ROCK2: variants seen among roughly 807,000 people sequenced by gnomAD.
ROCK2 encodes the protein Rho associated coiled-coil containing protein kinase 2.
In ROCK2, 61 loss-of-function variants were observed where a neutral mutation model predicts 195.1. The observed-to-expected ratio is 0.31, with a 90% CI of 0.25 to 0.39. The LOEUF is 0.39. Among genes scored for constraint, ROCK2 ranks in the 10% least tolerant of loss-of-function variants. ROCK2 has a pLI of 1.00. For missense variants in ROCK2, 1,109 were observed against 1,637.4 expected (o/e 0.68, Z 5.57); for synonymous variants, 504 against 545.5 (o/e 0.92, Z 1.06).
Position 11,211,768 on chromosome 2 carries a change from C to A in ROCK2, c.2116G>T (p.Ala706Ser). 1.2e-6 allele frequency: 2 copies of A among 1,613,684 alleles called. No homozygotes were observed. Among genetic ancestry groups the A allele is most frequent in the Non-Finnish European group, 1.7e-6 (2 of 1,179,804 alleles). The change falls in exon 18 of 33, where the codon GCT becomes TCT. Residue 706 changes from alanine (A) to serine (S), a missense_variant. Around this residue, in one of 6 missense-constraint regions of ROCK2, gnomAD observed 542 missense variants for 672.0 expected, o/e 0.81. Transcript: ENST00000315872. ...CGTGCCTTTGTGGCCTTATGTTCAG[C>A]TTCTTCTTGTTCTAGGCTCTGCTGT... is the stretch of plus-strand genomic sequence containing the variant. Reference protein sequence around the residue: ...VIQQSLEQEEAEHKATKARLA... With the variant: ...VIQQSLEQEESEHKATKARLA...
intron 10 of ROCK2, 39 bp downstream of exon 10, chr2:11,218,927 G>T: frequency 8.4e-7 from 1 of 1,191,060 alleles, no homozygotes; most frequent in Non-Finnish European, 1.2e-6. Context: ...ATTTAAACAT[G>T]AAACTAAAAT....
At chr2:11,285,094 C>T (rs1667140727) in intron 3 of ROCK2, among the ~76,000 whole-genome samples, 1 of 151,942 alleles carries the variant, frequency 6.6e-6, no homozygotes, top group Admixed American at 6.6e-5. Context: ...GAAACCCTGT[C>T]TCTACTAAAA....
In ROCK2 at chr2:11,317,597, TATATATATA is replaced by T. The variant is rs1433951650; in HGVS notation, c.141+26390_141+26398del. ...ACATTTATATATATATATATATATATATATATATATATATATTTTTTTTTTTTTTTAATT... is the reference window on the plus strand; with the variant it reads ...ACATTTATATATATATATATATATATTATATATTTTTTTTTTTTTTTAATT... On this transcript the variant is annotated intron_variant, in intron 1 of 32. Transcript: ENST00000315872. Among the ~76,000 whole-genome samples, 34 of 16,370 alleles carry T rather than the reference TATATATATA, an allele frequency of 2.1e-3. 2 individuals carry two copies. Among genetic ancestry groups the T allele is most frequent in the East Asian group, 6.4e-3 (1 of 156 alleles). 10.7% of individuals were successfully genotyped at this position (16,370 alleles called of 152,430 possible).
intron 1 of ROCK2, among the ~76,000 whole-genome samples, chr2:11,338,467 C>G (rs1669000733): frequency 6.6e-6 from 1 of 152,058 alleles, no homozygotes; most frequent in Non-Finnish European, 1.5e-5. Context: ...CAAACTAAAA[C>G]AATACAGTAT....
intron 20 of ROCK2, among the ~76,000 whole-genome samples, chr2:11,205,020 T>C (rs1338859831): frequency 6.6e-6 from 1 of 152,196 alleles, no homozygotes; most frequent in Non-Finnish European, 1.5e-5. Context: ...GTAGGAGTTT[T>C]CTCACTGGCA....
At chr2:11,217,025 C>A in intron 12 of ROCK2, 65 bp downstream of exon 12, 3 of 822,664 alleles carry the variant, frequency 3.6e-6, no homozygotes, top group Non-Finnish European at 5.8e-6. Flanking sequence ...CCTGGCCGCT[C>A]TTTTTTCAGT....
At chr2:11,329,720 C>A (rs1434763119) in intron 1 of ROCK2, among the ~76,000 whole-genome samples, 2 of 151,470 alleles carry the variant, frequency 1.3e-5, no homozygotes, top group Admixed American at 1.3e-4. Context: ...AAATTGCTTG[C>A]AGCAGAAATT....
At chr2:11,199,287 G>A (rs1045664435) in intron 23 of ROCK2, among the ~76,000 whole-genome samples, 2 of 150,062 alleles carry the variant, frequency 1.3e-5, no homozygotes, top group African/African-American at 4.9e-5. Context: ...ACAATACACA[G>A]TGTGGCTTTA....
intron 1 of ROCK2, among the ~76,000 whole-genome samples, chr2:11,290,900 G>A (rs779129361): frequency 1.3e-5 from 2 of 152,036 alleles, no homozygotes; most frequent in Non-Finnish European, 2.9e-5. Context: ...GTCAGACACA[G>A]CTTTCAATCA....
In ROCK2 at chr2:11,327,996, CAA is replaced by C. The variant is rs79218878; in HGVS notation, c.141+15998_141+15999del. 2.6e-3 allele frequency among the ~76,000 whole-genome samples: 392 copies of C among 152,248 alleles called. 4 individuals carry two copies. In the East Asian group the frequency reaches 0.034, roughly 13 times the overall value. ...AGAGCAATCCAGGTACACACAAGGG[CAA>C]AGAGTATAGAGAACATGGTATATTC... On this transcript the variant is annotated intron_variant, in intron 1 of 32. Transcript: ENST00000315872.
chr2:11,238,450 T>G (rs1450962006), intron 4 of ROCK2, among the ~76,000 whole-genome samples: 8 of 152,126 alleles, frequency 5.3e-5, no homozygotes, highest in African/African-American at 1.9e-4. Flanking sequence ...AAAATTTATT[T>G]GGAAATGCAA....
At position 11,344,216 on chromosome 2, in the gene ROCK2, C is replaced by G. The variant is rs1354411780; in HGVS notation, c.-80G>C. ...GGGGCCTAGCACCGCCCCCGAACCA[C>G]CAGCTCCGGCCGGGACTCCACCCGG... On this transcript the variant is annotated 5_prime_UTR_variant, in exon 1 of 33. Transcript: ENST00000315872. This position sits in a 1 kb window ranked among gnomAD's most constrained non-coding sequence, Gnocchi z 5.4. 7.5e-7 allele frequency: 1 copy of G among 1,330,904 alleles called. No homozygotes were observed. Among genetic ancestry groups the G allele is most frequent in the Admixed American group, 4.2e-5 (1 of 24,092 alleles). 82.4% of individuals were successfully genotyped at this position (1,330,904 alleles called of 1,614,324 possible). A position where few individuals can be genotyped will look rare whatever the true frequency, so the allele number is the denominator to read the frequency against.
At chr2:11,283,072 G>GACT (rs1244160144) in intron 3 of ROCK2, among the ~76,000 whole-genome samples, 1 of 149,734 alleles carries the variant, frequency 6.7e-6, no homozygotes, top group Admixed American at 6.7e-5. Flanking sequence ...TTTGAGACCA[G>GACT]CCTGGCCAAC....
At chr2:11,187,978 C>T (rs1003291708) in intron 32 of ROCK2, among the ~76,000 whole-genome samples, 13 of 151,742 alleles carry the variant, frequency 8.6e-5, no homozygotes, top group African/African-American at 2.9e-4. Flanking sequence ...TCTTAAAACT[C>T]GGTAAGTGAG....
At chr2:11,243,439 C>T (rs937033628) in intron 4 of ROCK2, among the ~76,000 whole-genome samples, 3 of 152,140 alleles carry the variant, frequency 2.0e-5, no homozygotes, top group East Asian at 3.8e-4. Flanking sequence ...TTTCTGAAAA[C>T]GCCTTCTCCA....
chr2:11,232,758 A>C (rs531309177), intron 5 of ROCK2, among the ~76,000 whole-genome samples: 20 of 152,240 alleles, frequency 1.3e-4, no homozygotes, highest in Non-Finnish European at 2.4e-4. Context: ...ATGGAAGATG[A>C]TATCAGCAAT....
intron 3 of ROCK2, among the ~76,000 whole-genome samples, chr2:11,272,035 A>AT (rs1305660167): frequency 2.0e-5 from 3 of 151,768 alleles, no homozygotes; most frequent in Non-Finnish European, 4.4e-5. Context: ...AAAAAAAAAA[A>AT]AGTAGAATTG....
intron 4 of ROCK2, among the ~76,000 whole-genome samples, chr2:11,242,212 TAAA>T (rs934517933): frequency 6.6e-6 from 1 of 151,994 alleles, no homozygotes; most frequent in Non-Finnish European, 1.5e-5. Context: ...AGGGAAAAAA[TAAA>T]AGTCAGAAAG....
chr2:11,211,612 C>G, intron 18 of ROCK2, 69 bp downstream of exon 18: 2 of 1,402,576 alleles, frequency 1.4e-6, no homozygotes, highest in Non-Finnish European at 1.9e-6. Context: ...TGTTTCAAAA[C>G]CAAAAAGCTA....
Sources: gnomAD v4.1 joint callset for allele counts (sites outside exome capture counted in the v4.1 genomes callset) on GRCh38, gnomAD v4.1.1 for gene constraint, gnomAD v4.1.1 regional missense constraint, Gnocchi (gnomAD v3.1) non-coding constraint, MANE v1.5 for transcripts, NCBI Gene and HGNC (gene_info 2026-07-23, HGNC 2026-07-21) for gene names.